Variants in SPIDR observed in about 807,000 individuals in gnomAD.
The protein encoded by SPIDR is DNA repair-scaffolding protein.
SPIDR carries 93 observed loss-of-function variants against 104.6 expected under a neutral mutation model. That is an observed-to-expected ratio of 0.89 (90% CI 0.75 to 1.06). The LOEUF (loss-of-function observed/expected upper bound fraction) is 1.06. SPIDR is among the 50% of genes least tolerant of loss of function. The pLI, the probability that SPIDR is intolerant of heterozygous loss-of-function variation, is 0.00. For synonymous variants in SPIDR, 431 were observed against 416.9 expected, an observed-to-expected ratio of 1.03 and a Z score of -0.41; for missense variants, 1,154 against 1,111.2, an observed-to-expected ratio of 1.04 and a Z score of -0.55.
intron 10 of SPIDR, among the ~76,000 whole-genome samples, chr8:47,607,073 G>C (rs544580312): frequency 6.6e-6 from 1 of 152,314 alleles, no homozygotes; most frequent in Non-Finnish European, 1.5e-5. Flanking sequence ...ATTTTCATAA[G>C]GTGGTTGTTG....
At chr8:47,275,888 T>C (rs887079655) in intron 1 of SPIDR, among the ~76,000 whole-genome samples, 10 of 152,214 alleles carry the variant, frequency 6.6e-5, no homozygotes, top group Admixed American at 6.5e-5. Context: ...CTGGAACTTA[T>C]TTCTGTTGCC....
chr8:47,701,169 C>T (rs1414938213), intron 12 of SPIDR, among the ~76,000 whole-genome samples: 1 of 152,226 alleles, frequency 6.6e-6, no homozygotes, highest in Non-Finnish European at 1.5e-5. Context: ...CACGGTGGCT[C>T]ATGCCTGTAA....
chr8:47,423,297 A>C (rs1585455822), intron 7 of SPIDR, among the ~76,000 whole-genome samples: 1 of 33,660 alleles, frequency 3.0e-5, no homozygotes, highest in African/African-American at 4.8e-5. Flanking sequence ...ACTCTGTCTC[A>C]AAAAAAAAAA....
At chr8:47,551,161 A>T (rs2090398459) in intron 8 of SPIDR, among the ~76,000 whole-genome samples, 1 of 152,114 alleles carries the variant, frequency 6.6e-6, no homozygotes, top group Admixed American at 6.6e-5. Context: ...GTGCTGCTGG[A>T]TTTGGTTTGC....
intron 8 of SPIDR, among the ~76,000 whole-genome samples, chr8:47,454,826 T>G (rs960276884): frequency 1.3e-5 from 2 of 151,954 alleles, no homozygotes; most frequent in Admixed American, 6.6e-5. Flanking sequence ...TGAGCATGTG[T>G]GTGAACAGCC....
chr8:47,660,300 C>A, intron 10 of SPIDR: 1 of 295,428 alleles, frequency 3.4e-6, no homozygotes, highest in Non-Finnish European at 5.0e-6. Context: ...TTCTTAAAGA[C>A]AAATATTCAC....
In SPIDR at chr8:47,668,001, A is replaced by G. The variant is rs373456276; in HGVS notation, c.1545-5800A>G. ...AAAAATATATTACCAAAATATCTTA[A>G]GAAAAAAATTAAAAAGTTCAAATAG... is the stretch of plus-strand genomic sequence containing the variant. On this transcript the variant is annotated intron_variant, in intron 10 of 19. Transcript: ENST00000297423. 8 of 152,342 alleles carry G rather than the reference A, an allele frequency of 5.3e-5. No individual in the cohort carries two copies. In the South Asian group the frequency reaches 1.0e-3, roughly 20 times the overall value. The allele number at this position is 152,342 out of a possible 1,614,324, so 9.4% of individuals were successfully genotyped here. A position where few individuals can be genotyped will look rare whatever the true frequency, so the allele number is the denominator to read the frequency against.
intron 8 of SPIDR, among the ~76,000 whole-genome samples, chr8:47,488,742 G>A (rs1182050629): frequency 1.3e-5 from 2 of 152,090 alleles, no homozygotes; most frequent in Non-Finnish European, 2.9e-5. Context: ...CGGAACCAAA[G>A]ACAAAAACCA....
At chr8:47,443,571 C>CA (rs782463880) in intron 8 of SPIDR, among the ~76,000 whole-genome samples, 3,013 of 29,110 alleles carry the variant, frequency 0.1, 100 homozygotes, top group African/African-American at 0.15. Flanking sequence ...ACCCTGTCGC[C>CA]AAAAAAAAAA....
chr8:47,302,228 T>C (rs1488760273), intron 5 of SPIDR, among the ~76,000 whole-genome samples: 1 of 152,018 alleles, frequency 6.6e-6, no homozygotes, highest in Non-Finnish European at 1.5e-5. Flanking sequence ...TTCTTCCAGT[T>C]GATCGAATCG....
At chr8:47,360,872 C>T in intron 5 of SPIDR, 2 of 985,408 alleles carry the variant, frequency 2.0e-6, no homozygotes, top group Non-Finnish European at 2.4e-6. Flanking sequence ...ACGTGCTGGA[C>T]CACAGACACT....
In SPIDR at chr8:47,384,018, A is replaced by G. The variant is rs1252050785; in HGVS notation, c.526-12358A>G. Among the ~76,000 whole-genome samples the G allele has an allele frequency of 2.6e-5, 4 of 152,208 alleles. No individual in the cohort carries two copies. In the South Asian group the frequency reaches 6.2e-4, roughly 24 times the overall value. On this transcript the variant is annotated intron_variant, in intron 5 of 19. Transcript: ENST00000297423. ...TTGATATATGGTATTTAATTCTCGC[A>G]ACTTACTGTTTTGGTAATGCATTCA... is the stretch of plus-strand genomic sequence containing the variant.
chr8:47,479,780 G>GT (rs1473428007), intron 8 of SPIDR, among the ~76,000 whole-genome samples: 1 of 152,222 alleles, frequency 6.6e-6, no homozygotes, highest in African/African-American at 2.4e-5. Flanking sequence ...AGAACTGTAA[G>GT]TTTGGGGAAG....
intron 8 of SPIDR, among the ~76,000 whole-genome samples, chr8:47,505,096 G>C (rs181269355): frequency 9.3e-4 from 141 of 152,334 alleles, no homozygotes; most frequent in African/African-American, 3.3e-3. Context: ...CACTTGAGGA[G>C]GCAGTCTGTC....
intron 8 of SPIDR, among the ~76,000 whole-genome samples, chr8:47,489,528 A>C (rs1319649453): frequency 6.6e-6 from 1 of 152,230 alleles, no homozygotes; most frequent in Non-Finnish European, 1.5e-5. Flanking sequence ...GAACCAAAAA[A>C]GAGCCACATT....
At chr8:47,718,497 C>A (rs2154491056) in intron 16 of SPIDR, among the ~76,000 whole-genome samples, 1 of 150,300 alleles carries the variant, frequency 6.7e-6, no homozygotes, top group Middle Eastern at 3.6e-3. Context: ...AACTACTTAT[C>A]TTTGGCTCTT....
chr8:47,382,350 C>T (rs1554645892), intron 5 of SPIDR, among the ~76,000 whole-genome samples: 1 of 152,202 alleles, frequency 6.6e-6, no homozygotes. Context: ...CAGGAAGTAA[C>T]ATTAGCTTAA....
At chr8:47,644,625 T>A (rs764320624) in intron 10 of SPIDR, among the ~76,000 whole-genome samples, 2 of 152,160 alleles carry the variant, frequency 1.3e-5, no homozygotes, top group Non-Finnish European at 2.9e-5. Flanking sequence ...AAAATGGAGG[T>A]TATGATGGTA....
intron 8 of SPIDR, among the ~76,000 whole-genome samples, chr8:47,447,581 C>T (rs1194220955): frequency 1.3e-5 from 2 of 152,148 alleles, no homozygotes; most frequent in African/African-American, 4.8e-5. Flanking sequence ...GAGAGGACAA[C>T]AAAGAATTTA....
Sources: allele counts gnomAD v4.1 joint callset (sites outside exome capture counted in the v4.1 genomes callset), GRCh38; gene constraint gnomAD v4.1.1; transcripts MANE v1.5; gene names NCBI Gene and HGNC (gene_info 2026-07-23, HGNC 2026-07-21).